Variants in ZNF839 observed in about 807,000 individuals in gnomAD.
ZNF839 encodes zinc finger protein 839.
Under a neutral mutation model 56.4 loss-of-function variants are expected in ZNF839, and 38 were observed. The ratio of observed to expected loss-of-function variants is 0.67; its 90% CI spans 0.52 to 0.88. The LOEUF is 0.88. Ranked by LOEUF, ZNF839 falls within the 40% of genes least tolerant of loss-of-function variation. The pLI, the probability that ZNF839 is intolerant of heterozygous loss-of-function variation, is 0.00. For missense variants in ZNF839, 1,091 were observed against 1,177.6 expected, an observed-to-expected ratio of 0.93 and a Z score of 1.08; for synonymous variants, 486 against 493.5, an observed-to-expected ratio of 0.98 and a Z score of 0.20.
rs1886632428 is a variant in ZNF839, at chr14:102,342,353, A to G, written c.*174A>G. 1 of 743,054 alleles carries G rather than the reference A, an allele frequency of 1.3e-6. No individual in the cohort carries two copies. 46.0% of individuals were successfully genotyped at this position (743,054 alleles called of 1,614,324 possible). A position where few individuals can be genotyped will look rare whatever the true frequency, so the allele number is the denominator to read the frequency against. On this transcript the variant is annotated 3_prime_UTR_variant, in exon 8 of 8. Transcript: ENST00000442396. ...CAGATGAACCTTTTATTTATAAAGA[A>G]TAATGTCTTTCTGCCCTGCTGTCTA...
rs761015702 is a variant in ZNF839, at chr14:102,342,164, C to T, written c.2769C>T (p.Cys923=). The T allele has an allele frequency of 7.5e-6, 12 of 1,606,454 alleles. No individual in the cohort carries two copies. The highest frequency in any genetic ancestry group is 9.4e-6 in the Non-Finnish European group (11 of 1,174,894). The change falls in exon 8 of 8, where the codon TGC becomes TGT. Residue 923 remains cysteine (C), a synonymous_variant. Transcript: ENST00000442396. ...VTVTDAEGRA[C]GWAR ...TGACTGATGCAGAGGGGCGTGCCTG[C>T]GGATGGGCCCGCTAGAAGGAGTTCC...
intron 5 of ZNF839, among the ~76,000 whole-genome samples, chr14:102,336,283 G>T (rs1279892190): frequency 1.3e-5 from 2 of 151,662 alleles, no homozygotes; most frequent in East Asian, 3.9e-4. Context: ...CCCATCAAGT[G>T]AAAATTTTTT....
intron 1 of ZNF839, among the ~76,000 whole-genome samples, chr14:102,320,433 T>TG (rs1419820984): frequency 6.6e-6 from 1 of 152,158 alleles, no homozygotes; most frequent in Non-Finnish European, 1.5e-5. Context: ...GTGCAGGAGG[T>TG]GAAGCCTTGA....
intron 2 of ZNF839, 27 bp from the exon 3 acceptor site, chr14:102,331,595 T>G (rs1440128816): frequency 6.3e-7 from 1 of 1,575,504 alleles, no homozygotes; most frequent in Non-Finnish European, 8.6e-7. Flanking sequence ...TGTTTTATTT[T>G]ACTTTTGGGT....
At chr14:102,336,918 G>C (rs777426983) in intron 5 of ZNF839, 1 of 205,416 alleles carries the variant, frequency 4.9e-6, no homozygotes. Flanking sequence ...ATTTTTCGTA[G>C]AGAAGGGGTC....
intron 3 of ZNF839, among the ~76,000 whole-genome samples, chr14:102,333,850 G>A (rs1384494908): frequency 6.6e-6 from 1 of 152,100 alleles, no homozygotes; most frequent in African/African-American, 2.4e-5. Context: ...GCATTGTCAG[G>A]GGCCGTTTCG....
At chr14:102,329,029 G>T (rs1264635176) in intron 2 of ZNF839, among the ~76,000 whole-genome samples, 1 of 151,530 alleles carries the variant, frequency 6.6e-6, no homozygotes, top group African/African-American at 2.4e-5. Flanking sequence ...GAGTGCAGTG[G>T]CGCGATCTCA....
At chr14:102,341,247 G>T in intron 7 of ZNF839, 76 bp from the exon 8 acceptor site, 1 of 1,432,076 alleles carries the variant, frequency 7.0e-7, no homozygotes, top group Non-Finnish European at 9.2e-7. Context: ...TGGCCTAGCT[G>T]GTTTTGGGTG....
At position 102,338,929 on chromosome 14, in the gene ZNF839, T is replaced by G. The variant is rs1751673846; in HGVS notation, c.1773T>G (p.Ala591=). Reference sequence around the variant, plus strand: ...TGGATGGGGAGCAGCTAGAGGGAGCTAGCAGCGAGAAGAGGGAACGTGAGG... The same window carrying G: ...TGGATGGGGAGCAGCTAGAGGGAGCGAGCAGCGAGAAGAGGGAACGTGAGG... The part of the protein sequence containing the change: ...RDMDGEQLEG[A]SSEKREREAA... Residue 591 remains alanine, a synonymous_variant, in exon 6 of 8, where the codon GCT becomes GCG. Coordinates refer to ENST00000442396, the MANE Select transcript of ZNF839 (RefSeq NM_018335.6). 6.2e-7 allele frequency: 1 copy of G among 1,613,776 alleles called. No homozygotes were observed. Among genetic ancestry groups the G allele is most frequent in the South Asian group, 1.1e-5 (1 of 91,082 alleles).
At chr14:102,323,203 C>T (rs928113596) in intron 1 of ZNF839, among the ~76,000 whole-genome samples, 1 of 152,358 alleles carries the variant, frequency 6.6e-6, no homozygotes, top group East Asian at 1.9e-4. Context: ...ACAGGGGGCA[C>T]TTGGCAATGT....
rs368921112 is a variant in ZNF839 at position 102,326,607 on chromosome 14, C to T, written c.911C>T (p.Ser304Leu). ...GAGAGGCACGCACTCTTTGACTTAT[C>T]GAGCTGCTCCCTGAGGCCCAAAAGC... ...QRERHALFDL[S>L]SCSLRPKSFK... The change falls in exon 2 of 8, where the codon TCG (serine) becomes TTG (leucine). Residue 304 changes from serine (S) to leucine (L), a missense_variant. By Grantham distance (145) the Ser-to-Leu change is moderately radical (BLOSUM62 -2). Transcript: ENST00000442396. The surrounding 1 kb of genome is among the most constrained non-coding windows in gnomAD (Gnocchi z 4.3). 1.9e-5 allele frequency: 31 copies of T among 1,613,614 alleles called. No homozygotes were observed. The highest frequency in any genetic ancestry group is 5.3e-5 in the African/African-American group (4 of 74,900).
Position 102,342,230 on chromosome 14 carries a change from C to T in ZNF839, c.*51C>T. 1.9e-6 allele frequency: 3 copies of T among 1,544,440 alleles called. No individual in the cohort carries two copies. The highest frequency in any genetic ancestry group is 1.2e-5 in the South Asian group (1 of 80,770). Reference sequence around the variant, plus strand: ...GTCGGTCGTCACCGTGGAGCCAGAGCCCTCACAGTGAAGTGGAGTCAGATC... The same window carrying T: ...GTCGGTCGTCACCGTGGAGCCAGAGTCCTCACAGTGAAGTGGAGTCAGATC... On this transcript the variant is annotated 3_prime_UTR_variant, in exon 8 of 8. Transcript: ENST00000442396.
chr14:102,329,048 C>CA (rs2073630803), intron 2 of ZNF839, among the ~76,000 whole-genome samples: 1 of 151,628 alleles, frequency 6.6e-6, no homozygotes, highest in Non-Finnish European at 1.5e-5. Flanking sequence ...CAGTTCACTG[C>CA]AACCTCTACC....
chr14:102,330,497 G>A (rs934783379), intron 2 of ZNF839, among the ~76,000 whole-genome samples: 2 of 150,270 alleles, frequency 1.3e-5, no homozygotes, highest in Non-Finnish European at 2.9e-5. Flanking sequence ...GTCCCCGAAA[G>A]TGCTGGCATT....
chr14:102,321,113 A>C (rs1481351550), intron 1 of ZNF839, among the ~76,000 whole-genome samples: 1 of 152,238 alleles, frequency 6.6e-6, no homozygotes, highest in East Asian at 1.9e-4. Flanking sequence ...GATTCTGTCC[A>C]GATGCCACAC....
intron 2 of ZNF839, among the ~76,000 whole-genome samples, chr14:102,330,748 C>T (rs1039670805): frequency 2.0e-5 from 3 of 152,092 alleles, no homozygotes; most frequent in East Asian, 1.9e-4. Context: ...AAACTCCTGA[C>T]CTCAGGTGAT....
chr14:102,321,754 T>G (rs2073138944), intron 1 of ZNF839, among the ~76,000 whole-genome samples: 1 of 152,144 alleles, frequency 6.6e-6, no homozygotes, highest in South Asian at 2.1e-4. Flanking sequence ...TGTTCCTGGC[T>G]GAGGACATCA....
intron 2 of ZNF839, among the ~76,000 whole-genome samples, chr14:102,330,792 A>G (rs955596469): frequency 4.6e-5 from 7 of 152,132 alleles, no homozygotes; most frequent in African/African-American, 1.4e-4. Context: ...TGCTGGGATT[A>G]CAGGCATGAG....
At chr14:102,334,849 C>G (rs552556738) in intron 4 of ZNF839, 24 of 226,194 alleles carry the variant, frequency 1.1e-4, no homozygotes, top group Non-Finnish European at 2.0e-4. Context: ...CTCTAGCAAT[C>G]CTTCCACCTC....
Sources: gnomAD v4.1 joint callset for allele counts (sites outside exome capture counted in the v4.1 genomes callset) on GRCh38, gnomAD v4.1.1 for gene constraint, Gnocchi (gnomAD v3.1) non-coding constraint, MANE v1.5 for transcripts, NCBI Gene and HGNC (gene_info 2026-07-23, HGNC 2026-07-21) for gene names.